CAP2: variants seen among roughly 807,000 people sequenced by gnomAD.
CAP2 encodes the protein adenylyl cyclase-associated protein 2.
A neutral mutation model predicts 57.7 loss-of-function variants in CAP2; 24 were observed. The ratio of observed to expected loss-of-function variants is 0.42; its 90% CI spans 0.30 to 0.58. The LOEUF is 0.58. Ranked by LOEUF, CAP2 falls within the 20% of genes least tolerant of loss-of-function variation. CAP2 has a pLI of 0.22. For missense variants in CAP2, 501 were observed against 590.3 expected (o/e 0.85, Z 1.57); for synonymous variants, 194 against 207.2 (o/e 0.94, Z 0.55).
At chr6:17,448,836 A>C (rs1245225571) in intron 3 of CAP2, among the ~76,000 whole-genome samples, 5 of 151,624 alleles carry the variant, frequency 3.3e-5, no homozygotes, top group African/African-American at 1.2e-4. Context: ...ATCTCAGCTC[A>C]CTGCAACCTC....
intron 1 of CAP2, among the ~76,000 whole-genome samples, chr6:17,404,387 C>CT (rs1291306780): frequency 2.6e-5 from 4 of 152,128 alleles, no homozygotes; most frequent in Non-Finnish European, 5.9e-5. Context: ...GGGCAGATCA[C>CT]GAGGTCAGGA....
chr6:17,462,235 G>A (rs923424857), intron 3 of CAP2, among the ~76,000 whole-genome samples: 1 of 151,816 alleles, frequency 6.6e-6, no homozygotes, highest in Non-Finnish European at 1.5e-5. Context: ...ATGATTAGAA[G>A]CCACTGGCTT....
rs369307314 is a variant in CAP2, at chr6:17,441,889, AT to A, written c.222+15206del. ...AAAGTTCAAATTAACTTTAAAATGC[AT>A]TTTTTTCTGTTATGTACGTAACCTA... On this transcript the variant is annotated intron_variant, in intron 3 of 12. Transcript: ENST00000229922. Among the ~76,000 whole-genome samples the A allele has an allele frequency of 3.6e-4, 54 of 152,074 alleles. 1 individual carries two copies. In the South Asian group the frequency reaches 1.0e-2, roughly 28 times the overall value.
At chr6:17,418,575 T>C (rs960188984) in intron 1 of CAP2, among the ~76,000 whole-genome samples, 3 of 152,168 alleles carry the variant, frequency 2.0e-5, no homozygotes, top group Non-Finnish European at 2.9e-5. Flanking sequence ...AAGTGTGAAA[T>C]GTAACAGGCC....
intron 1 of CAP2, among the ~76,000 whole-genome samples, chr6:17,419,071 C>T (rs1401250831): frequency 1.3e-5 from 2 of 152,154 alleles, no homozygotes; most frequent in African/African-American, 4.8e-5. Flanking sequence ...AGACAGTAAA[C>T]TCCGCCCTCC....
At chr6:17,493,691 C>G (rs1048841110) in intron 4 of CAP2, 1 of 150,804 alleles carries the variant, frequency 6.6e-6, no homozygotes, top group African/African-American at 2.4e-5. Flanking sequence ...ATCATGTGTA[C>G]TGGATTGAAA....
intron 3 of CAP2, among the ~76,000 whole-genome samples, chr6:17,438,653 A>T (rs1223054456): frequency 6.8e-6 from 1 of 146,930 alleles, no homozygotes; most frequent in Non-Finnish European, 1.5e-5. Context: ...GTTAGCCAGG[A>T]TGGTCTCAAT....
At position 17,513,803 on chromosome 6, in the gene CAP2, T is replaced by C. The variant is rs772994713; in HGVS notation, c.531-46T>C. The C allele has an allele frequency of 7.3e-7, 1 of 1,367,458 alleles. No homozygotes were observed. The highest frequency in any genetic ancestry group is 1.2e-5 in the South Asian group (1 of 85,704). The allele number at this position is 1,367,458 out of a possible 1,614,324, so 84.7% of individuals were successfully genotyped here. On this transcript the variant is annotated intron_variant, in intron 6 of 12. Coordinates refer to ENST00000229922, the MANE Select transcript of CAP2 (RefSeq NM_006366.3). The surrounding 1 kb of genome is among the most constrained non-coding windows in gnomAD (Gnocchi z 4.3). ...CCCCCACAATTTTTTTAAAATTTTA[T>C]TTTAGATCCTAACTCTGCTTTCTTC...
At chr6:17,532,483 C>A (rs1165297637) in intron 7 of CAP2, among the ~76,000 whole-genome samples, 1 of 149,822 alleles carries the variant, frequency 6.7e-6, no homozygotes, top group Non-Finnish European at 1.5e-5. Context: ...CAGTGGCTCA[C>A]GCCTGTAATC....
At chr6:17,549,801 AT>A (rs1461222756) in intron 11 of CAP2, among the ~76,000 whole-genome samples, 1 of 152,230 alleles carries the variant, frequency 6.6e-6, no homozygotes, top group Non-Finnish European at 1.5e-5. Context: ...ACCCTGATAC[AT>A]CAGTGTTGGG....
intron 11 of CAP2, among the ~76,000 whole-genome samples, chr6:17,547,665 C>T (rs1323270105): frequency 2.0e-5 from 3 of 151,806 alleles, no homozygotes; most frequent in South Asian, 2.1e-4. Flanking sequence ...CACAGTGAAA[C>T]CCTGTCTCTA....
At chr6:17,394,008 C>T (rs927907164) in intron 1 of CAP2, among the ~76,000 whole-genome samples, 6 of 149,216 alleles carry the variant, frequency 4.0e-5, no homozygotes, top group Non-Finnish European at 6.0e-5. Flanking sequence ...GCCCCCGCCT[C>T]CCCAGCTCCG....
intron 3 of CAP2, among the ~76,000 whole-genome samples, chr6:17,457,925 C>G (rs1441651254): frequency 6.6e-6 from 1 of 152,234 alleles, no homozygotes; most frequent in Non-Finnish European, 1.5e-5. Context: ...ATTACTGTTT[C>G]CACAGCAACT....
chr6:17,555,728 T>C (rs1164462435), intron 12 of CAP2, among the ~76,000 whole-genome samples: 1 of 151,288 alleles, frequency 6.6e-6, no homozygotes, highest in Non-Finnish European at 1.5e-5. Flanking sequence ...CATTCCTGGC[T>C]AATTTTTTGT....
chr6:17,433,599 C>T (rs1051867135), intron 3 of CAP2, among the ~76,000 whole-genome samples: 2 of 152,240 alleles, frequency 1.3e-5, no homozygotes, highest in Non-Finnish European at 2.9e-5. Context: ...AGAACTCTGT[C>T]CCTCTAGGTC....
intron 4 of CAP2, among the ~76,000 whole-genome samples, chr6:17,493,185 G>C (rs79126801): frequency 3.9e-5 from 6 of 152,268 alleles, no homozygotes; most frequent in African/African-American, 1.4e-4. Flanking sequence ...TTCAGTGTTA[G>C]TTTGTGTATT....
chr6:17,525,543 A>G (rs1450653466), intron 7 of CAP2, among the ~76,000 whole-genome samples: 1 of 151,916 alleles, frequency 6.6e-6, no homozygotes, highest in Non-Finnish European at 1.5e-5. Flanking sequence ...GCTGGAAGTT[A>G]TCCTTCCATC....
At chr6:17,477,077 G>T (rs1053601218) in intron 4 of CAP2, among the ~76,000 whole-genome samples, 1 of 152,000 alleles carries the variant, frequency 6.6e-6, no homozygotes, top group Non-Finnish European at 1.5e-5. Flanking sequence ...CACCATGTTG[G>T]CCAGAATGGT....
At chr6:17,432,361 G>A (rs1759758756) in intron 3 of CAP2, among the ~76,000 whole-genome samples, 1 of 152,100 alleles carries the variant, frequency 6.6e-6, no homozygotes, top group Non-Finnish European at 1.5e-5. Context: ...GGCTGACTCA[G>A]CAAACCAGCC....
Sources: gnomAD v4.1 joint callset for allele counts (sites outside exome capture counted in the v4.1 genomes callset) on GRCh38, gnomAD v4.1.1 for gene constraint, Gnocchi (gnomAD v3.1) non-coding constraint, MANE v1.5 for transcripts, NCBI Gene and HGNC (gene_info 2026-07-23, HGNC 2026-07-21) for gene names.